Variants in GKN2 observed in about 807,000 individuals in gnomAD.
GKN2 encodes gastrokine 2, also known as gastrokine-2.
GKN2 carries 17 observed loss-of-function variants against 22.7 expected under a neutral mutation model. The ratio of observed to expected loss-of-function variants is 0.75; its 90% confidence interval spans 0.51 to 1.13. The LOEUF (loss-of-function observed/expected upper bound fraction) is 1.13, where lower values mean the gene tolerates loss of function less well. Among genes scored for constraint, GKN2 ranks in the 50% most tolerant of loss-of-function variants. The pLI is 0.00. For missense variants in GKN2, 248 were observed against 221.4 expected (o/e 1.12, Z -0.76); for synonymous variants, 82 against 79.6 (o/e 1.03, Z -0.16).
At chr2:68,949,035 A>T (rs1275665043) in intron 3 of GKN2, among the ~76,000 whole-genome samples, 1 of 152,232 alleles carries the variant, frequency 6.6e-6, no homozygotes, top group East Asian at 1.9e-4. Flanking sequence ...ACGTGAAGAC[A>T]TTTCTAGAAG....
rs1304857605 is a variant in GKN2, at chr2:68,945,372, A to G, written c.551T>C (p.Val184Ala). ...AAAACAAGAGGGCTAATCATCCTAA[A>G]CATGAATGTCTGCACAGATTGAAAT... ...LGISICADIH[V>A] The change falls in exon 6 of 6, where the codon GTT becomes GCT. Residue 184 changes from valine to alanine, a missense_variant. Val to Ala is a moderately conservative substitution (Grantham distance 64). Coordinates refer to ENST00000328895, the MANE Select transcript of GKN2 (RefSeq NM_182536.3). 6.3e-7 allele frequency: 1 copy of G among 1,595,642 alleles called. No homozygotes were observed. Among genetic ancestry groups the G allele is most frequent in the Non-Finnish European group, 8.6e-7 (1 of 1,167,470 alleles).
At position 68,946,370 on chromosome 2, in the gene GKN2, CAAGCAGGAACCA is replaced by C; in HGVS notation, c.394_405del (p.Trp132_Leu135del). 6.2e-7 allele frequency: 1 copy of C among 1,614,010 alleles called. No individual in the cohort carries two copies. Among genetic ancestry groups the C allele is most frequent in the Non-Finnish European group, 8.5e-7 (1 of 1,179,970 alleles). Reference sequence around the variant, plus strand: ...TTGCAGAGTTTCTCAATGGGTGACCCAAGCAGGAACCAATCCACGTCTTTGATCAGAGACTCC... The same window carrying C: ...TTGCAGAGTTTCTCAATGGGTGACCCATCCACGTCTTTGATCAGAGACTCC... On this transcript the variant is annotated inframe_deletion, in exon 5 of 6. Coordinates refer to ENST00000328895, the MANE Select transcript of GKN2 (RefSeq NM_182536.3).
chr2:68,946,559 A>C, intron 4 of GKN2, 99 bp from the exon 5 acceptor site: 1 of 1,016,768 alleles, frequency 9.8e-7, no homozygotes, highest in South Asian at 2.0e-5. Flanking sequence ...CAGATTATTA[A>C]ATAGAAAGAA....
At chr2:68,949,278 G>T (rs529611385) in intron 3 of GKN2, among the ~76,000 whole-genome samples, 1 of 152,214 alleles carries the variant, frequency 6.6e-6, no homozygotes, top group African/African-American at 2.4e-5. Flanking sequence ...CTTTTAGTTA[G>T]CAGATTTTCT....
Position 68,947,236 on chromosome 2 carries a change from G to A in GKN2, c.226C>T (p.Leu76Phe), listed in dbSNP as rs769962812. Residue 76 changes from leucine (L) to phenylalanine (F), a missense_variant, in exon 4 of 6, where the codon CTC (leucine) becomes TTC (phenylalanine). By Grantham distance (22) the Leu-to-Phe change is conservative. Transcript: ENST00000328895. ...AGGATAAAGCAGGCTCTTCGGGAGA[G>A]CACCCTGGATGCAATGTAGCCCTGA... ...YKHGYIASRVLSRRACFILKM... is the reference protein window; with the variant it reads ...YKHGYIASRVFSRRACFILKM... 66 of 1,613,074 alleles carry A rather than the reference G, an allele frequency of 4.1e-5. No homozygotes were observed. The highest frequency in any genetic ancestry group is 5.3e-5 in the Non-Finnish European group (62 of 1,179,190).
chr2:68,950,399 C>A (rs1669838822), intron 2 of GKN2, 136 bp from the exon 3 acceptor site: 3 of 815,434 alleles, frequency 3.7e-6, no homozygotes, highest in Non-Finnish European at 5.7e-6. Context: ...GGTCCCAATC[C>A]AAAAACTTAT....
intron 5 of GKN2, 25 bp downstream of exon 5, chr2:68,946,279 G>A: frequency 2.5e-6 from 4 of 1,573,470 alleles, no homozygotes; most frequent in Non-Finnish European, 3.4e-6. Flanking sequence ...AATATTTGGT[G>A]AGTGAATGAC....
At chr2:68,950,330 AC>A in intron 2 of GKN2, 67 bp from the exon 3 acceptor site, 2 of 1,474,988 alleles carry the variant, frequency 1.4e-6, no homozygotes, top group Non-Finnish European at 1.8e-6. Flanking sequence ...AACTCTTCCA[AC>A]AAAATAAAGC....
At position 68,950,746 on chromosome 2, in the gene GKN2, G is replaced by T; in HGVS notation, c.22C>A (p.Leu8Met). MKILVAFLVVLTIFGIQS... is the reference protein window; with the variant it reads MKILVAFMVVLTIFGIQS... ...ATCCCAAAGATGGTCAGCACCACCA[G>T]AAATGCCACCTGAAAAACAGACCCA... is the stretch of plus-strand genomic sequence containing the variant. Residue 8 changes from leucine (L) to methionine (M), a missense_variant, in exon 2 of 6, where the codon CTG becomes ATG. Physicochemically the swap from Leu to Met is conservative, Grantham distance 15. Coordinates refer to ENST00000328895, the MANE Select transcript of GKN2 (RefSeq NM_182536.3). 6.2e-7 allele frequency: 1 copy of T among 1,614,076 alleles called. No homozygotes were observed. The highest frequency in any genetic ancestry group is 8.5e-7 in the Non-Finnish European group (1 of 1,180,004).
chr2:68,950,165 T>C lies in GKN2; in HGVS notation c.165A>G (p.Ala55=). ...EKNTAIINIH[A]GSCSSTTIFD... ...AAATTGTGGTAGAAGAGCATGATCC[T>C]GCATGGATGTTAATGATGGCGGTAT... The change falls in exon 3 of 6, where the codon GCA becomes GCG. Residue 55 remains alanine (A), a synonymous_variant. Coordinates refer to ENST00000328895, the MANE Select transcript of GKN2 (RefSeq NM_182536.3). The C allele has an allele frequency of 1.9e-6, 3 of 1,613,964 alleles. No individual in the cohort carries two copies. Among genetic ancestry groups the C allele is most frequent in the Non-Finnish European group, 2.5e-6 (3 of 1,179,900 alleles).
At chr2:68,952,017 ATT>A (rs1006047549) in intron 1 of GKN2, among the ~76,000 whole-genome samples, 2 of 152,302 alleles carry the variant, frequency 1.3e-5, no homozygotes, top group Non-Finnish European at 2.9e-5. Context: ...GGTACTTAAC[ATT>A]TTGCTTTCTC....
In GKN2 at chr2:68,951,366, C is replaced by T. The variant is rs544521210; in HGVS notation, c.13-611G>A. 7.9e-5 allele frequency among the ~76,000 whole-genome samples: 12 copies of T among 152,308 alleles called. No individual in the cohort carries two copies. In the East Asian group the frequency reaches 2.3e-3, roughly 29 times the overall value. On this transcript the variant is annotated intron_variant, in intron 1 of 5. Coordinates refer to ENST00000328895, the MANE Select transcript of GKN2 (RefSeq NM_182536.3). ...CCTTAGTGATACTATCACACAAGTG[C>T]TGGGCCCACAGGTCGTGAGCTGACA...
chr2:68,946,749 G>A (rs1018181344), intron 4 of GKN2, among the ~76,000 whole-genome samples: 9 of 152,112 alleles, frequency 5.9e-5, no homozygotes, highest in African/African-American at 1.2e-4. Context: ...GTCTCTAGCC[G>A]CAGTGCACTG....
At position 68,952,847 on chromosome 2, in the gene GKN2, C is replaced by T. The variant is rs765414650; in HGVS notation, c.12+3G>A. ...GTATCAAGAAGCAGAAACAAATACT[C>T]ACAAGTATTTTCATTTTGCCTGGGA... On this transcript the variant is annotated splice_donor_region_variant and intron_variant, in intron 1 of 5. Coordinates refer to ENST00000328895, the MANE Select transcript of GKN2 (RefSeq NM_182536.3). The T allele has an allele frequency of 1.9e-6, 3 of 1,613,772 alleles. No homozygotes were observed. The highest frequency in any genetic ancestry group is 2.5e-6 in the Non-Finnish European group (3 of 1,179,836).
At chr2:68,950,830 G>C (rs377729572) in intron 1 of GKN2, 75 bp from the exon 2 acceptor site, 5 of 1,452,624 alleles carry the variant, frequency 3.4e-6, no homozygotes, top group Non-Finnish European at 4.8e-6. Flanking sequence ...ACACTGGACA[G>C]GAAAGGCACA....
At chr2:68,948,247 A>AAC (rs1669800396) in intron 3 of GKN2, among the ~76,000 whole-genome samples, 1 of 49,602 alleles carries the variant, frequency 2.0e-5, no homozygotes, top group Non-Finnish European at 4.6e-5. Context: ...CTCCGTCAAA[A>AAC]AAAAAAAACA....
At chr2:68,948,858 C>T (rs1420114679) in intron 3 of GKN2, among the ~76,000 whole-genome samples, 1 of 152,184 alleles carries the variant, frequency 6.6e-6, no homozygotes, top group African/African-American at 2.4e-5. Context: ...ATGGAAGAAG[C>T]TTAAAGCAAA....
intron 3 of GKN2, among the ~76,000 whole-genome samples, chr2:68,948,107 G>A (rs866382733): frequency 5.3e-5 from 8 of 151,882 alleles, no homozygotes; most frequent in African/African-American, 9.7e-5. Flanking sequence ...TTAGCCGGGC[G>A]TGGTGGCGGG....
chr2:68,945,520 T>TTCC, intron 5 of GKN2, 70 bp from the exon 6 acceptor site: 2 of 1,148,524 alleles, frequency 1.7e-6, no homozygotes, highest in Non-Finnish European at 2.6e-6. Context: ...AGAATAATAA[T>TTCC]ACATTAGCTT....
Sources: gnomAD v4.1 joint callset for allele counts (sites outside exome capture counted in the v4.1 genomes callset) on GRCh38, gnomAD v4.1.1 for gene constraint, MANE v1.5 for transcripts, NCBI Gene and HGNC (gene_info 2026-07-23, HGNC 2026-07-21) for gene names.